The following SLIT2 variants were observed in gnomAD, a reference collection of about 807,000 sequenced individuals.
SLIT2 encodes the protein slit homolog 2 protein.
A neutral mutation model predicts 185.7 loss-of-function variants in SLIT2; 41 were observed. The observed-to-expected ratio is 0.22, with a 90% CI of 0.17 to 0.29. The LOEUF (loss-of-function observed/expected upper bound fraction) is 0.29. SLIT2 is among the 10% of genes least tolerant of loss of function. The pLI is 1.00. For synonymous variants in SLIT2, 693 were observed against 680.2 expected, an observed-to-expected ratio of 1.02 and a Z score of -0.29; for missense variants, 1,571 against 1,909.0, an observed-to-expected ratio of 0.82 and a Z score of 3.30.
chr4:20,259,779 G>T (rs1712243285), intron 3 of SLIT2, among the ~76,000 whole-genome samples: 1 of 151,754 alleles, frequency 6.6e-6, no homozygotes, highest in Non-Finnish European at 1.5e-5. Flanking sequence ...CAGAGTGGGA[G>T]GAGGATTTGT....
intron 4 of SLIT2, among the ~76,000 whole-genome samples, chr4:20,410,003 C>T (rs1265248947): frequency 6.6e-6 from 1 of 152,000 alleles, no homozygotes; most frequent in Non-Finnish European, 1.5e-5. Context: ...AAAGATTTCT[C>T]CCATTGAGTA....
intron 26 of SLIT2, among the ~76,000 whole-genome samples, chr4:20,559,664 T>C (rs1439812471): frequency 6.6e-6 from 1 of 151,970 alleles, no homozygotes; most frequent in Non-Finnish European, 1.5e-5. Flanking sequence ...GCCATTCTTA[T>C]AGTGAAAACT....
intron 4 of SLIT2, among the ~76,000 whole-genome samples, chr4:20,444,420 T>G (rs1051787854): frequency 3.3e-5 from 5 of 152,190 alleles, no homozygotes; most frequent in African/African-American, 1.2e-4. Context: ...TAATTGATAT[T>G]CAGGTGTAAC....
At chr4:20,414,083 C>A (rs1727470082) in intron 4 of SLIT2, among the ~76,000 whole-genome samples, 1 of 151,934 alleles carries the variant, frequency 6.6e-6, no homozygotes, top group Admixed American at 6.6e-5. Flanking sequence ...TATGTATTTT[C>A]TAAGGTGCAA....
At chr4:20,490,925 A>G (rs1182954294) in intron 8 of SLIT2, 1 of 777,238 alleles carries the variant, frequency 1.3e-6, no homozygotes, top group African/African-American at 1.7e-5. Context: ...CGTCACCACC[A>G]CTAGGGCCCT....
At chr4:20,537,505 A>G (rs928214483) in intron 18 of SLIT2, among the ~76,000 whole-genome samples, 1 of 152,070 alleles carries the variant, frequency 6.6e-6, no homozygotes, top group Admixed American at 6.5e-5. Context: ...ATATCAAAGT[A>G]TTTCTTCTTG....
intron 5 of SLIT2, among the ~76,000 whole-genome samples, chr4:20,474,111 T>C (rs1363076789): frequency 6.6e-6 from 1 of 152,024 alleles, no homozygotes; most frequent in Non-Finnish European, 1.5e-5. Context: ...GTCTTCAGTG[T>C]GGTATAGAAC....
chr4:20,252,011 C>CGGCGGCGGA lies in SLIT2; in HGVS notation c.-1799_-1791dup, dbSNP rs1336449887. On this transcript the variant is annotated 5_prime_UTR_variant, in exon 1 of 37. Transcript: ENST00000504154. The stretch of plus-strand genomic sequence containing the variant: ...AAAAAAAAGAAGGCGGCGGCGGCGG[C>CGGCGGCGGA]GGCGGCGGAGGCGGAGGCAGCTGCG... Among the ~76,000 whole-genome samples the CGGCGGCGGA allele has an allele frequency of 2.6e-5, 4 of 152,168 alleles. No homozygotes were observed. Among genetic ancestry groups the CGGCGGCGGA allele is most frequent in the South Asian group, 2.1e-4 (1 of 4,818 alleles).
At chr4:20,441,515 T>TCCTGTC (rs1729742620) in intron 4 of SLIT2, among the ~76,000 whole-genome samples, 1 of 98,838 alleles carries the variant, frequency 1.0e-5, no homozygotes, top group African/African-American at 4.0e-5. Flanking sequence ...CCCCCCCCAC[T>TCCTGTC]TCTGTCTCTC....
chr4:20,416,090 C>A (rs1219837952), intron 4 of SLIT2, among the ~76,000 whole-genome samples: 2 of 152,126 alleles, frequency 1.3e-5, no homozygotes, highest in African/African-American at 4.8e-5. Context: ...AATGTATCAA[C>A]ATGATATTTG....
intron 4 of SLIT2, among the ~76,000 whole-genome samples, chr4:20,279,495 A>G (rs1473400218): frequency 6.6e-6 from 1 of 152,164 alleles, no homozygotes; most frequent in Non-Finnish European, 1.5e-5. Flanking sequence ...ATCATTCATT[A>G]TAATATGGTA....
intron 4 of SLIT2, among the ~76,000 whole-genome samples, chr4:20,285,547 ACT>A (rs952934629): frequency 7.4e-6 from 1 of 135,722 alleles, no homozygotes; most frequent in Non-Finnish European, 1.6e-5. Flanking sequence ...TTTGCACTTT[ACT>A]CTTTTATTTT....
At position 20,254,896 on chromosome 4, in the gene SLIT2, C is replaced by G. The variant is rs185629584; in HGVS notation, c.179+902C>G. 17 of 456,094 alleles carry G rather than the reference C, an allele frequency of 3.7e-5. No homozygotes were observed. The highest frequency in any genetic ancestry group is 3.0e-4 in the African/African-American group (15 of 50,208). 28.3% of individuals were successfully genotyped at this position (456,094 alleles called of 1,614,324 possible). A position where few individuals can be genotyped will look rare whatever the true frequency, so the allele number is the denominator to read the frequency against. On this transcript the variant is annotated intron_variant, in intron 1 of 36. Coordinates refer to ENST00000504154, the MANE Select transcript of SLIT2 (RefSeq NM_004787.4). The surrounding 1 kb of genome is among the most constrained non-coding windows in gnomAD (Gnocchi z 5.1). ...CTTCCCCTCTTCGCGCTCCGTTGCT[C>G]GCAGACGTCCCCGCCTCCCTGTCTT...
intron 18 of SLIT2, among the ~76,000 whole-genome samples, chr4:20,536,532 T>G (rs1366268184): frequency 8.3e-6 from 1 of 120,428 alleles, no homozygotes; most frequent in African/African-American, 3.2e-5. Flanking sequence ...CCCTCCAGCC[T>G]GGGTGACAAG....
At chr4:20,511,164 A>C (rs1050515054) in intron 11 of SLIT2, 27 bp downstream of exon 11, 1 of 1,433,238 alleles carries the variant, frequency 7.0e-7, no homozygotes, top group Non-Finnish European at 9.8e-7. Flanking sequence ...TCACTGAAGG[A>C]AAAGAGAAGC....
At chr4:20,433,155 G>A (rs1257970712) in intron 4 of SLIT2, among the ~76,000 whole-genome samples, 2 of 152,204 alleles carry the variant, frequency 1.3e-5, no homozygotes, top group Admixed American at 6.5e-5. Context: ...GCAACCACCA[G>A]CCAGATGAAA....
At chr4:20,571,779 T>C (rs1031390899) in intron 29 of SLIT2, among the ~76,000 whole-genome samples, 1 of 152,194 alleles carries the variant, frequency 6.6e-6, no homozygotes, top group African/African-American at 2.4e-5. Flanking sequence ...AATTTTTTAT[T>C]CTATATCCCG....
intron 4 of SLIT2, among the ~76,000 whole-genome samples, chr4:20,360,893 G>T (rs1249343722): frequency 1.3e-5 from 2 of 152,068 alleles, no homozygotes; most frequent in African/African-American, 2.4e-5. Flanking sequence ...GTCAACCTGT[G>T]ACTTACCCTG....
In SLIT2 at chr4:20,467,729, CTTT is replaced by C; in HGVS notation, c.396-20_396-18del. 1 of 1,465,786 alleles carries C rather than the reference CTTT, an allele frequency of 6.8e-7. No individual in the cohort carries two copies. The highest frequency in any genetic ancestry group is 9.4e-7 in the Non-Finnish European group (1 of 1,059,148). 90.8% of individuals were successfully genotyped at this position (1,465,786 alleles called of 1,614,324 possible). ...TTAAATAATATTTTCTAACGTGATCCTTTTTGTTGTTGTTGTTTTTAGTGATCT... is the reference window on the plus strand; with the variant it reads ...TTAAATAATATTTTCTAACGTGATCCTTGTTGTTGTTGTTTTTAGTGATCT... On this transcript the variant is annotated intron_variant, in intron 4 of 36. Transcript: ENST00000504154.
Sources: gnomAD v4.1 joint callset for allele counts (sites outside exome capture counted in the v4.1 genomes callset) on GRCh38, gnomAD v4.1.1 for gene constraint, Gnocchi (gnomAD v3.1) non-coding constraint, MANE v1.5 for transcripts, NCBI Gene and HGNC (gene_info 2026-07-23, HGNC 2026-07-21) for gene names.